The following GOT2 variants were observed in gnomAD, a reference collection of about 807,000 sequenced individuals.
GOT2 encodes glutamic-oxaloacetic transaminase 2, also known as aspartate aminotransferase, mitochondrial.
GOT2 carries 17 observed loss-of-function variants against 50.0 expected under a neutral mutation model. That is an observed-to-expected ratio of 0.34 (90% confidence interval 0.23 to 0.51). The LOEUF (loss-of-function observed/expected upper bound fraction) is 0.51, where lower values mean the gene tolerates loss of function less well. Among genes scored for constraint, GOT2 ranks in the 20% least tolerant of loss-of-function variants. The probability of loss-of-function intolerance (pLI) is 0.97; values close to 1 mark genes in which losing one functional copy is unlikely to be tolerated. For missense variants in GOT2, 430 were observed against 559.6 expected, an observed-to-expected ratio of 0.77 and a Z score of 2.34; for synonymous variants, 172 against 204.9, an observed-to-expected ratio of 0.84 and a Z score of 1.37.
chr16:58,725,809 A>G (rs902302897), intron 1 of GOT2, among the ~76,000 whole-genome samples: 2 of 152,204 alleles, frequency 1.3e-5, no homozygotes, highest in African/African-American at 4.8e-5. Flanking sequence ...AAGATAAGCA[A>G]TGAGTGTTGA....
chr16:58,734,198 G>A lies in GOT2; in HGVS notation c.31C>T (p.Pro11Ser), dbSNP rs2044859666. The A allele has an allele frequency of 2.2e-6, 3 of 1,337,848 alleles. No individual in the cohort carries two copies. The allele number at this position is 1,337,848 out of a possible 1,614,324, so 82.9% of individuals were successfully genotyped here. A position where few individuals can be genotyped will look rare whatever the true frequency, so the allele number is the denominator to read the frequency against. The change falls in exon 1 of 10, where the codon CCC becomes TCC. Residue 11 changes from proline (P) to serine (S), a missense_variant. Coordinates refer to ENST00000245206, the MANE Select transcript of GOT2 (RefSeq NM_002080.4). MALLHSGRVL[P>S]GIAAAFHPGL... ...GGGTGGAAGGCGGCGGCGATCCCGGGGAGGACGCGGCCGGAGTGCAGCAGG... is the reference window on the plus strand; with the variant it reads ...GGGTGGAAGGCGGCGGCGATCCCGGAGAGGACGCGGCCGGAGTGCAGCAGG...
intron 1 of GOT2, among the ~76,000 whole-genome samples, chr16:58,733,724 G>T (rs1041806901): frequency 1.3e-5 from 2 of 152,108 alleles, no homozygotes; most frequent in Non-Finnish European, 2.9e-5. Context: ...CCACCGACTC[G>T]GGCGGGCCGG....
rs774209228 is a variant in GOT2 at position 58,716,160 on chromosome 16, G to A, written c.873C>T (p.Phe291=). Residue 291 remains phenylalanine, a synonymous_variant, in exon 8 of 10, where the codon TTC becomes TTT. Coordinates refer to ENST00000245206, the MANE Select transcript of GOT2 (RefSeq NM_002080.4). ...MGLYGERVGA[F]TMVCKDADEA... ...CATCCGCATCTTTGCAGACCATAGTGAAGGCTCCTACACGCTCACCTGAAA... is the reference window on the plus strand; with the variant it reads ...CATCCGCATCTTTGCAGACCATAGTAAAGGCTCCTACACGCTCACCTGAAA... 3.7e-5 allele frequency: 60 copies of A among 1,613,800 alleles called. No individual in the cohort carries two copies. The highest frequency in any genetic ancestry group is 5.1e-5 in the Non-Finnish European group (60 of 1,179,902).
rs747082071 is a variant in GOT2 at position 58,709,461 on chromosome 16, C to T, written c.1126G>A (p.Asp376Asn). 34 of 1,613,740 alleles carry T rather than the reference C, an allele frequency of 2.1e-5. No individual in the cohort carries two copies. Among genetic ancestry groups the T allele is most frequent in the Middle Eastern group, 3.3e-4 (2 of 6,082 alleles). ...GTGAAACAGAACATGCCAATTTGGT[C>T]GGTGATGTGTTGCCAATTGTGGGTG... ...GSTHNWQHIT[D>N]QIGMFCFTGL... Residue 376 changes from aspartate (D) to asparagine (N), a missense_variant, in exon 9 of 10, where the codon GAC becomes AAC. Asp to Asn is a conservative substitution (Grantham distance 23). Transcript: ENST00000245206.
intron 9 of GOT2, among the ~76,000 whole-genome samples, chr16:58,708,535 C>A (rs531633307): frequency 6.6e-6 from 1 of 151,908 alleles, no homozygotes; most frequent in Non-Finnish European, 1.5e-5. Flanking sequence ...AACCTGGAAC[C>A]TGGAACCTGG....
intron 1 of GOT2, among the ~76,000 whole-genome samples, chr16:58,726,510 T>TATTTATTTA (rs1555509479): frequency 6.6e-6 from 1 of 151,016 alleles, no homozygotes; most frequent in African/African-American, 2.4e-5. Context: ...TTTATTTATT[T>TATTTATTTA]TTGAGACGGA....
intron 1 of GOT2, among the ~76,000 whole-genome samples, chr16:58,727,390 A>T: frequency 6.6e-6 from 1 of 152,170 alleles, no homozygotes. Flanking sequence ...TAAAAAAAGA[A>T]AAAACTGTGC....
chr16:58,710,271 G>T (rs2044635554), intron 8 of GOT2, among the ~76,000 whole-genome samples: 1 of 152,018 alleles, frequency 6.6e-6, no homozygotes, highest in South Asian at 2.1e-4. Flanking sequence ...AGGCTGGATA[G>T]TACAATGGTA....
At chr16:58,727,901 T>C (rs1381116937) in intron 1 of GOT2, among the ~76,000 whole-genome samples, 1 of 152,176 alleles carries the variant, frequency 6.6e-6, no homozygotes, top group Admixed American at 6.6e-5. Context: ...AGCCACATGT[T>C]TCAGTATGGT....
chr16:58,721,620 C>G (rs1423988629), intron 3 of GOT2: 1 of 152,260 alleles, frequency 6.6e-6, no homozygotes, highest in Admixed American at 6.5e-5. Context: ...ATGACTACCG[C>G]ATTTTCAGGA....
chr16:58,731,510 C>T (rs1457847269), intron 1 of GOT2, among the ~76,000 whole-genome samples: 1 of 152,178 alleles, frequency 6.6e-6, no homozygotes, highest in Non-Finnish European at 1.5e-5. Context: ...CTCACGAGAC[C>T]TGCTCAGTTA....
rs1238390857 is a variant in GOT2, at chr16:58,718,687, TG to T, written c.436del (p.Gln146LysfsTer84). The T allele has an allele frequency of 1.1e-5, 17 of 1,556,606 alleles. No homozygotes were observed. The highest frequency in any genetic ancestry group is 1.5e-5 in the Non-Finnish European group (17 of 1,152,552). ...ATCTCGGCTGAACTTAAAAAATCTT[TG>T]CTAAAAGATGGGACGAAAGGAAACA... is the stretch of plus-strand genomic sequence containing the variant. ...GALRIGASFL[Q>X]RFFKFSRDVF... On this transcript the variant is annotated frameshift_variant and splice_region_variant, in exon 5 of 10. Coordinates refer to ENST00000245206, the MANE Select transcript of GOT2 (RefSeq NM_002080.4). LOFTEE classifies it high-confidence loss of function.
chr16:58,732,544 A>C (rs528226606), intron 1 of GOT2, among the ~76,000 whole-genome samples: 14 of 152,344 alleles, frequency 9.2e-5, no homozygotes, highest in African/African-American at 3.1e-4. Flanking sequence ...TAAAATAAAA[A>C]TATCCAATAT....
At chr16:58,716,478 A>G (rs1164003425) in intron 7 of GOT2, 185 bp downstream of exon 7, 2 of 634,762 alleles carry the variant, frequency 3.2e-6, no homozygotes, top group Non-Finnish European at 5.3e-6. Context: ...AGGACACCGA[A>G]GAATATATGG....
At chr16:58,726,510 T>C (rs183162870) in intron 1 of GOT2, among the ~76,000 whole-genome samples, 3 of 151,016 alleles carry the variant, frequency 2.0e-5, no homozygotes, top group African/African-American at 7.3e-5. Context: ...TTTATTTATT[T>C]TTGAGACGGA....
chr16:58,711,066 T>A (rs541076612), intron 8 of GOT2, among the ~76,000 whole-genome samples: 1 of 151,886 alleles, frequency 6.6e-6, no homozygotes, highest in East Asian at 1.9e-4. Flanking sequence ...AAAAATGACC[T>A]TATTTTTGAC....
At position 58,716,061 on chromosome 16, in the gene GOT2, G is replaced by C. The variant is rs138482484; in HGVS notation, c.972C>G (p.Ala324=). 172 of 1,613,586 alleles carry C rather than the reference G, an allele frequency of 1.1e-4. No individual in the cohort carries two copies. The highest frequency in any genetic ancestry group is 2.5e-5 in the Non-Finnish European group (29 of 1,179,846). The change falls in exon 8 of 10, where the codon GCC becomes GCG. Residue 324 remains alanine, a synonymous_variant. Transcript: ENST00000245206. ...TGTTCAGAATGGCAGCAGCAATCCG[G>C]GCCCCATTGAGGGGAGGGTTGGAAT... ...PMYSNPPLNG[A]RIAAAILNTP...
At chr16:58,716,206 T>G in intron 7 of GOT2, 27 bp from the exon 8 acceptor site, 1 of 1,603,380 alleles carries the variant, frequency 6.2e-7, no homozygotes, top group South Asian at 1.1e-5. Context: ...GATCTCGTCT[T>G]CTACTTCTAC....
At position 58,716,102 on chromosome 16, in the gene GOT2, A is replaced by G. The variant is rs750949356; in HGVS notation, c.931T>C (p.Leu311=). 1 of 1,613,948 alleles carries G rather than the reference A, an allele frequency of 6.2e-7. No individual in the cohort carries two copies. Among genetic ancestry groups the G allele is most frequent in the South Asian group, 1.1e-5 (1 of 91,074 alleles). The part of the protein sequence containing the change: ...AKRVESQLKI[L]IRPMYSNPPL... ...GGGTTGGAATACATGGGACGGATCA[A>G]GATCTTCAACTGTGACTCTACCCTT... The change falls in exon 8 of 10, where the codon TTG becomes CTG. Residue 311 remains leucine, a synonymous_variant. Coordinates refer to ENST00000245206, the MANE Select transcript of GOT2 (RefSeq NM_002080.4).
Sources: allele counts gnomAD v4.1 joint callset (sites outside exome capture counted in the v4.1 genomes callset), GRCh38; gene constraint gnomAD v4.1.1; transcripts MANE v1.5; gene names NCBI Gene and HGNC (gene_info 2026-07-23, HGNC 2026-07-21).